PTPRM: variants seen among roughly 807,000 people sequenced by gnomAD.
PTPRM encodes receptor-type tyrosine-protein phosphatase mu.
Under a neutral mutation model 186.7 loss-of-function variants are expected in PTPRM, and 47 were observed. The observed-to-expected ratio is 0.25, with a 90% confidence interval of 0.20 to 0.32. The LOEUF (loss-of-function observed/expected upper bound fraction) is 0.32, where lower values mean the gene tolerates loss of function less well. Among genes scored for constraint, PTPRM ranks in the 10% least tolerant of loss-of-function variants. The pLI is 1.00. For missense variants in PTPRM, 1,494 were observed against 1,865.0 expected (o/e 0.80, Z 3.66); for synonymous variants, 668 against 674.9 (o/e 0.99, Z 0.16).
chr18:7,783,503 G>A (rs377556222), intron 2 of PTPRM, among the ~76,000 whole-genome samples: 15 of 152,110 alleles, frequency 9.9e-5, no homozygotes, highest in African/African-American at 2.2e-4. Context: ...AAAGTCCAAC[G>A]CCTGAGGAAG....
At chr18:7,994,200 A>G (rs2083411304) in intron 7 of PTPRM, among the ~76,000 whole-genome samples, 1 of 152,064 alleles carries the variant, frequency 6.6e-6, no homozygotes, top group African/African-American at 2.4e-5. Context: ...TAAGTCAAAA[A>G]ACATAAAAAG....
intron 2 of PTPRM, among the ~76,000 whole-genome samples, chr18:7,874,820 A>G (rs1271148276): frequency 6.6e-6 from 1 of 152,234 alleles, no homozygotes; most frequent in East Asian, 1.9e-4. Flanking sequence ...TATTTTAATT[A>G]TCCTATAGCT....
intron 1 of PTPRM, among the ~76,000 whole-genome samples, chr18:7,712,957 T>C (rs2040244057): frequency 6.6e-6 from 1 of 152,010 alleles, no homozygotes; most frequent in Non-Finnish European, 1.5e-5. Flanking sequence ...AAGGATATTA[T>C]CCAGGAGAAA....
At chr18:8,204,727 C>G (rs544626519) in intron 14 of PTPRM, among the ~76,000 whole-genome samples, 1 of 151,900 alleles carries the variant, frequency 6.6e-6, no homozygotes. Flanking sequence ...ATTGAGAGCC[C>G]TTCTTCATAA....
intron 3 of PTPRM, among the ~76,000 whole-genome samples, chr18:7,899,548 A>G (rs887867027): frequency 3.1e-4 from 47 of 152,208 alleles, no homozygotes; most frequent in Admixed American, 3.1e-3. Flanking sequence ...CAGACCCACA[A>G]CTTTTAAAAT....
At chr18:7,761,224 T>G (rs565610425) in intron 1 of PTPRM, among the ~76,000 whole-genome samples, 2 of 152,342 alleles carry the variant, frequency 1.3e-5, no homozygotes, top group South Asian at 4.1e-4. Flanking sequence ...GAATCTAGCT[T>G]CCTTATTTAA....
intron 29 of PTPRM, among the ~76,000 whole-genome samples, chr18:8,381,495 A>G (rs898526349): frequency 1.3e-5 from 2 of 152,146 alleles, no homozygotes; most frequent in African/African-American, 2.4e-5. Flanking sequence ...TCAGTTCTAT[A>G]AGGTTTTTAA....
intron 6 of PTPRM, among the ~76,000 whole-genome samples, chr18:7,953,543 GTC>G (rs1234111852): frequency 1.3e-5 from 2 of 152,180 alleles, no homozygotes; most frequent in Non-Finnish European, 2.9e-5. Context: ...TATGTTTGTA[GTC>G]TCTGAAGGAA....
At chr18:7,945,905 G>GT (rs1201262105) in intron 5 of PTPRM, among the ~76,000 whole-genome samples, 4 of 152,210 alleles carry the variant, frequency 2.6e-5, no homozygotes, top group African/African-American at 4.8e-5. Context: ...TGCTATTCCT[G>GT]TGTAGATTCT....
intron 7 of PTPRM, among the ~76,000 whole-genome samples, chr18:7,992,441 A>G (rs575309335): frequency 1.3e-4 from 20 of 152,274 alleles, no homozygotes; most frequent in African/African-American, 4.6e-4. Context: ...GTACACTTAA[A>G]TGGCAGAAGT....
chr18:8,252,609 GT>G, intron 18 of PTPRM, 110 bp downstream of exon 18: 1 of 1,070,706 alleles, frequency 9.3e-7, no homozygotes, highest in Non-Finnish European at 1.5e-6. Flanking sequence ...TGGCCTGCAT[GT>G]TTGCCTTTGT....
intron 2 of PTPRM, among the ~76,000 whole-genome samples, chr18:7,811,547 GTAGAGA>G (rs779299377): frequency 9.2e-5 from 14 of 152,004 alleles, no homozygotes; most frequent in Non-Finnish European, 1.3e-4. Context: ...TTTATTTTTA[GTAGAGA>G]TAAAGTCTTG....
At chr18:7,660,976 A>G (rs1054598094) in intron 1 of PTPRM, among the ~76,000 whole-genome samples, 1 of 151,900 alleles carries the variant, frequency 6.6e-6, no homozygotes, top group African/African-American at 2.4e-5. Flanking sequence ...ATCTCAAAAA[A>G]GAAAGAAAAA....
chr18:8,226,418 T>G lies in PTPRM; in HGVS notation c.2301-17640T>G, dbSNP rs1246817079. Among the ~76,000 whole-genome samples, 3 of 152,212 alleles carry G rather than the reference T, an allele frequency of 2.0e-5. No individual in the cohort carries two copies. The East Asian group carries it at 5.8e-4, about 29-fold the overall frequency. On this transcript the variant is annotated intron_variant, in intron 14 of 32. Coordinates refer to ENST00000580170, the MANE Select transcript of PTPRM (RefSeq NM_001105244.2). Reference sequence around the variant, plus strand: ...TAGCTAGTTCATCTTGAGATCTATATCTGTGAAACAAGAAATTCAGAATCA... The same window carrying G: ...TAGCTAGTTCATCTTGAGATCTATAGCTGTGAAACAAGAAATTCAGAATCA...
intron 2 of PTPRM, among the ~76,000 whole-genome samples, chr18:7,860,248 T>A (rs1212796171): frequency 6.6e-6 from 1 of 152,090 alleles, no homozygotes; most frequent in Non-Finnish European, 1.5e-5. Context: ...AATTTTTGTA[T>A]TTTTAGTAGA....
At chr18:8,083,262 T>C (rs2145225913) in intron 9 of PTPRM, among the ~76,000 whole-genome samples, 1 of 152,304 alleles carries the variant, frequency 6.6e-6, no homozygotes, top group Admixed American at 6.5e-5. Context: ...TCCTGTTGTA[T>C]GTATCCAAAC....
intron 11 of PTPRM, among the ~76,000 whole-genome samples, chr18:8,091,163 A>G (rs1011998416): frequency 2.6e-5 from 4 of 152,160 alleles, no homozygotes; most frequent in African/African-American, 9.7e-5. Flanking sequence ...AATGCTTGTC[A>G]GAGTCCAAAA....
chr18:7,935,160 A>G (rs34046553), intron 5 of PTPRM, among the ~76,000 whole-genome samples: 24,684 of 152,192 alleles, frequency 0.16, 2,211 homozygotes, highest in Non-Finnish European at 0.19. Flanking sequence ...ATTTTATGCC[A>G]TATATATTAA....
chr18:8,021,351 CACACACACAT>C (rs1254334271), intron 7 of PTPRM, among the ~76,000 whole-genome samples: 8 of 141,922 alleles, frequency 5.6e-5, no homozygotes, highest in African/African-American at 1.9e-4. Flanking sequence ...CACACACACA[CACACACACAT>C]ATAAATTTTA....
Sources: allele counts gnomAD v4.1 joint callset (sites outside exome capture counted in the v4.1 genomes callset), GRCh38; gene constraint gnomAD v4.1.1; transcripts MANE v1.5; gene names NCBI Gene and HGNC (gene_info 2026-07-23, HGNC 2026-07-21).